Variants in SMCHD1 observed in about 807,000 individuals in gnomAD.
SMCHD1 encodes the protein structural maintenance of chromosomes flexible hinge domain containing 1, also known as structural maintenance of chromosomes flexible hinge domain-containing protein 1.
SMCHD1 carries 78 observed loss-of-function variants against 254.7 expected under a neutral mutation model. The observed-to-expected ratio is 0.31, with a 90% CI of 0.26 to 0.37. SMCHD1 has a LOEUF of 0.37. SMCHD1 is among the 10% of genes least tolerant of loss of function. The probability of loss-of-function intolerance (pLI) is 1.00; values close to 1 mark genes in which losing one functional copy is unlikely to be tolerated. For missense variants in SMCHD1, 1,840 were observed against 2,408.1 expected (o/e 0.76, Z 4.94); for synonymous variants, 766 against 794.9 (o/e 0.96, Z 0.61).
At chr18:2,675,860 T>C (rs1408994519) in intron 5 of SMCHD1, among the ~76,000 whole-genome samples, 3 of 152,228 alleles carry the variant, frequency 2.0e-5, no homozygotes, top group African/African-American at 7.2e-5. Flanking sequence ...AACAAACTTT[T>C]AAACTTAACC....
intron 25 of SMCHD1, among the ~76,000 whole-genome samples, chr18:2,737,819 G>A (rs2075278940): frequency 1.3e-5 from 2 of 152,240 alleles, no homozygotes; most frequent in South Asian, 4.2e-4. Context: ...AAAGTATTGG[G>A]AGTTTAAAAG....
intron 34 of SMCHD1, 123 bp downstream of exon 34, chr18:2,752,675 T>C: frequency 3.1e-6 from 2 of 635,880 alleles, no homozygotes. Context: ...TGTTAGTGTC[T>C]CTAAATTTTT....
chr18:2,672,479 C>T (rs558343641), intron 3 of SMCHD1, among the ~76,000 whole-genome samples: 2 of 152,168 alleles, frequency 1.3e-5, no homozygotes, highest in Admixed American at 6.5e-5. Flanking sequence ...CAGCCTGCCT[C>T]GGCCTCCCAA....
intron 33 of SMCHD1, among the ~76,000 whole-genome samples, chr18:2,751,900 A>G (rs2075580301): frequency 6.6e-6 from 1 of 152,136 alleles, no homozygotes; most frequent in Non-Finnish European, 1.5e-5. Flanking sequence ...ATTTCAACAT[A>G]TATTCAATAG....
intron 10 of SMCHD1, among the ~76,000 whole-genome samples, chr18:2,699,620 G>A (rs1028301180): frequency 3.9e-5 from 6 of 152,218 alleles, no homozygotes; most frequent in African/African-American, 1.2e-4. Context: ...GATTACAGGC[G>A]TAAGCCCCTG....
At chr18:2,768,172 A>G (rs1268064340) in intron 37 of SMCHD1, among the ~76,000 whole-genome samples, 1 of 152,142 alleles carries the variant, frequency 6.6e-6, no homozygotes, top group Non-Finnish European at 1.5e-5. Context: ...ATTAAAAAAA[A>G]AAGACAAACC....
intron 5 of SMCHD1, among the ~76,000 whole-genome samples, chr18:2,678,233 T>TTG: frequency 8.2e-6 from 1 of 122,108 alleles, no homozygotes; most frequent in South Asian, 2.9e-4. Context: ...TTTTCTTTCT[T>TTG]TCTTTCTTTC....
intron 45 of SMCHD1, among the ~76,000 whole-genome samples, chr18:2,789,581 T>G (rs573513744): frequency 1.3e-5 from 2 of 152,314 alleles, no homozygotes; most frequent in South Asian, 4.1e-4. Context: ...AGCTTACATT[T>G]TTCAACTTCA....
At chr18:2,720,054 T>A (rs2143385689) in intron 19 of SMCHD1, among the ~76,000 whole-genome samples, 1 of 152,302 alleles carries the variant, frequency 6.6e-6, no homozygotes, top group South Asian at 2.1e-4. Context: ...CTCAAACACC[T>A]GGCCTCAAGC....
At chr18:2,772,754 C>G (rs181375808) in intron 41 of SMCHD1, among the ~76,000 whole-genome samples, 5 of 152,218 alleles carry the variant, frequency 3.3e-5, no homozygotes, top group Non-Finnish European at 7.3e-5. Flanking sequence ...CCTCAGCCCC[C>G]CAAGTAGCTG....
rs1450716229 is a variant in SMCHD1, at chr18:2,765,068, C to G, written c.4719+1279C>G. 5.2e-4 allele frequency among the ~76,000 whole-genome samples: 79 copies of G among 152,174 alleles called. 1 individual carries two copies. The highest frequency in any genetic ancestry group is 1.3e-4 in the Non-Finnish European group (9 of 67,970). The stretch of plus-strand genomic sequence containing the variant: ...TATCTGATTAAAAATTTATTTTTGT[C>G]GAATATTTTTTGGTTTTAATCTTTC... On this transcript the variant is annotated intron_variant, in intron 37 of 47. Transcript: ENST00000320876.
At chr18:2,772,144 T>G in intron 40 of SMCHD1, 106 bp from the exon 41 acceptor site, 1 of 964,492 alleles carries the variant, frequency 1.0e-6, no homozygotes, top group Non-Finnish European at 1.4e-6. Context: ...TTACCAACTT[T>G]ATATTCTTTA....
chr18:2,686,736 G>A (rs1305004631), intron 5 of SMCHD1, among the ~76,000 whole-genome samples: 4 of 152,022 alleles, frequency 2.6e-5, no homozygotes, highest in Admixed American at 6.6e-5. Context: ...GGATGTGATT[G>A]TAGATGTTGG....
chr18:2,664,228 A>G (rs989219737), intron 1 of SMCHD1, among the ~76,000 whole-genome samples: 2 of 152,128 alleles, frequency 1.3e-5, no homozygotes, highest in African/African-American at 4.8e-5. Flanking sequence ...GTATTATCAA[A>G]CCATTAAAAT....
intron 15 of SMCHD1, 102 bp downstream of exon 15, chr18:2,706,572 G>T: frequency 1.3e-6 from 1 of 766,364 alleles, no homozygotes; most frequent in Non-Finnish European, 2.1e-6. Context: ...TAGGGCATTT[G>T]TAGTCTTAGA....
chr18:2,710,007 TC>T (rs2074631076), intron 17 of SMCHD1, among the ~76,000 whole-genome samples: 1 of 152,248 alleles, frequency 6.6e-6, no homozygotes, highest in Non-Finnish European at 1.5e-5. Context: ...GAATGTTTTT[TC>T]CTTACAAATT....
At chr18:2,770,951 C>T (rs1288655851) in intron 39 of SMCHD1, among the ~76,000 whole-genome samples, 2 of 152,144 alleles carry the variant, frequency 1.3e-5, no homozygotes, top group Non-Finnish European at 2.9e-5. Flanking sequence ...AATAATGTTT[C>T]ATATAATTGA....
intron 41 of SMCHD1, among the ~76,000 whole-genome samples, chr18:2,775,150 C>T (rs1430614851): frequency 7.5e-6 from 1 of 133,928 alleles, no homozygotes; most frequent in Non-Finnish European, 1.5e-5. Flanking sequence ...ACAATCTCGG[C>T]TCACTGCAGC....
At chr18:2,802,389 A>G in intron 47 of SMCHD1, 139 bp from the exon 48 acceptor site, 2 of 652,158 alleles carry the variant, frequency 3.1e-6, no homozygotes, top group Non-Finnish European at 5.1e-6. Context: ...TAAGGATTTA[A>G]TTAAATCTGT....
Sources: allele counts gnomAD v4.1 joint callset (sites outside exome capture counted in the v4.1 genomes callset), GRCh38; gene constraint gnomAD v4.1.1; transcripts MANE v1.5; gene names NCBI Gene and HGNC (gene_info 2026-07-23, HGNC 2026-07-21).